Variants in ZNF525 observed in about 807,000 individuals in gnomAD.
ZNF525 encodes the protein zinc finger protein 525.
ZNF525 carries 33 observed loss-of-function variants against 37.6 expected under a neutral mutation model. The ratio of observed to expected loss-of-function variants is 0.88; its 90% confidence interval spans 0.67 to 1.17. ZNF525 has a LOEUF of 1.17. Among genes scored for constraint, ZNF525 ranks in the 50% most tolerant of loss-of-function variants. ZNF525 has a pLI of 0.00. For synonymous variants in ZNF525, 170 were observed against 182.3 expected, an observed-to-expected ratio of 0.93 and a Z score of 0.54; for missense variants, 449 against 543.1, an observed-to-expected ratio of 0.83 and a Z score of 1.72.
intron 3 of ZNF525, among the ~76,000 whole-genome samples, chr19:53,377,032 C>A (rs933806047): frequency 6.6e-6 from 1 of 152,076 alleles, no homozygotes; most frequent in East Asian, 1.9e-4. Flanking sequence ...TTATTTATGT[C>A]GGAATTATTT....
At position 53,384,016 on chromosome 19, in the gene ZNF525, G is replaced by T. The variant is rs763423393; in HGVS notation, c.*1997G>T. ...ATCAGTGTGGCAAGGTCTTCAGTCC[G>T]ACTTCACTCCTTGCAGAATATCAGA... On this transcript the variant is annotated 3_prime_UTR_variant, in exon 4 of 4. Coordinates refer to ENST00000474037, the MANE Select transcript of ZNF525 (RefSeq NM_001348156.2). 8 of 683,694 alleles carry T rather than the reference G, an allele frequency of 1.2e-5. No individual in the cohort carries two copies. The highest frequency in any genetic ancestry group is 2.8e-5 in the South Asian group (2 of 70,788). The allele number at this position is 683,694 out of a possible 1,614,324, so 42.4% of individuals were successfully genotyped here. A position where few individuals can be genotyped will look rare whatever the true frequency, so the allele number is the denominator to read the frequency against.
At chr19:53,377,246 C>T (rs746153014) in intron 3 of ZNF525, among the ~76,000 whole-genome samples, 4 of 152,158 alleles carry the variant, frequency 2.6e-5, no homozygotes, top group Admixed American at 6.5e-5. Context: ...GGCACAATCT[C>T]GGGTCACTGC....
chr19:53,381,370 G>A lies in ZNF525; in HGVS notation c.791G>A (p.Cys264Tyr), dbSNP rs562060597. The change falls in exon 4 of 4, where the codon TGT becomes TAT. Residue 264 changes from cysteine to tyrosine, a missense_variant. Physicochemically the swap from Cys to Tyr is radical, Grantham distance 194. Coordinates refer to ENST00000474037, the MANE Select transcript of ZNF525 (RefSeq NM_001348156.2). ...CGATACCTTGCACGCCATCGTAGAT[G>A]TCACACTGGTGAGAAACCTTACAAG... is the stretch of plus-strand genomic sequence containing the variant. The part of the protein sequence containing the change: ...RKRYLARHRR[C>Y]HTGEKPYKCN... 27 of 1,595,930 alleles carry A rather than the reference G, an allele frequency of 1.7e-5. No homozygotes were observed. Among genetic ancestry groups the A allele is most frequent in the Non-Finnish European group, 2.2e-5 (26 of 1,163,552 alleles).
At chr19:53,368,137 C>T (rs4801979) in intron 1 of ZNF525, among the ~76,000 whole-genome samples, 63,792 of 151,990 alleles carry the variant, frequency 0.42, 14,987 homozygotes, top group Non-Finnish European at 0.52. Flanking sequence ...CTGATTGTTT[C>T]AAGTACACAA....
chr19:53,380,173 C>G (rs1475130120), intron 3 of ZNF525, among the ~76,000 whole-genome samples: 3 of 151,796 alleles, frequency 2.0e-5, no homozygotes, highest in Non-Finnish European at 2.9e-5. Flanking sequence ...TCACTGCAAC[C>G]TCTGCCTCTT....
At chr19:53,372,682 G>T (rs557761124) in intron 2 of ZNF525, among the ~76,000 whole-genome samples, 1 of 152,338 alleles carries the variant, frequency 6.6e-6, no homozygotes, top group East Asian at 1.9e-4. Context: ...CACAAAGTAC[G>T]TGGTAAATTC....
rs150221054 is a variant in ZNF525, at chr19:53,372,428, G to T, written c.15+132G>T. ...TCACATTCACCCATGCCTTCCCTCA[G>T]TCCCTCTCATCTCACTTAGATTTTA... is the stretch of plus-strand genomic sequence containing the variant. On this transcript the variant is annotated intron_variant, in intron 2 of 3. Transcript: ENST00000474037. 1.8e-3 allele frequency: 1,346 copies of T among 752,890 alleles called. 12 individuals carry two copies. In the African/African-American group the frequency reaches 0.021, roughly 12 times the overall value. The allele number at this position is 752,890 out of a possible 1,614,324, so 46.6% of individuals were successfully genotyped here.
At position 53,375,877 on chromosome 19, in the gene ZNF525, T is replaced by C. The variant is rs755021113; in HGVS notation, c.123T>C (p.Tyr41=). ...ACAGGGACGTGATGCTGGAGAATTA[T>C]AGGAACCTGGTCTCCCTGGGTGAGG... ...TLYRDVMLEN[Y]RNLVSLGISS... Residue 41 remains tyrosine (Y), a synonymous_variant, in exon 3 of 4, where the codon TAT becomes TAC. Transcript: ENST00000474037. The C allele has an allele frequency of 7.6e-5, 122 of 1,613,740 alleles. 1 individual carries two copies. The Admixed American group carries it at 1.9e-3, about 25-fold the overall frequency.
At chr19:53,371,198 CTTTT>C (rs1243106422) in intron 1 of ZNF525, among the ~76,000 whole-genome samples, 1 of 123,592 alleles carries the variant, frequency 8.1e-6, no homozygotes, top group Non-Finnish European at 1.7e-5. Context: ...ATCAGAAACG[CTTTT>C]TTTTTTTTTT....
At chr19:53,375,477 C>G (rs1308399365) in intron 2 of ZNF525, among the ~76,000 whole-genome samples, 1 of 152,126 alleles carries the variant, frequency 6.6e-6, no homozygotes, top group Non-Finnish European at 1.5e-5. Flanking sequence ...TTCAACTACT[C>G]AGGAGGCTAA....
intron 3 of ZNF525, among the ~76,000 whole-genome samples, chr19:53,377,793 C>T (rs1294003472): frequency 6.6e-6 from 1 of 152,082 alleles, no homozygotes; most frequent in Admixed American, 6.6e-5. Flanking sequence ...ATCTCCTGAC[C>T]TCATGATCCT....
rs184697462 is a variant in ZNF525 at position 53,376,134 on chromosome 19, G to T, written c.142+238G>T. The T allele has an allele frequency of 3.7e-5, 36 of 978,974 alleles. No individual in the cohort carries two copies. The Admixed American group carries it at 7.3e-4, about 20-fold the overall frequency. The allele number at this position is 978,974 out of a possible 1,614,324, so 60.6% of individuals were successfully genotyped here. A position where few individuals can be genotyped will look rare whatever the true frequency, so the allele number is the denominator to read the frequency against. On this transcript the variant is annotated intron_variant, in intron 3 of 3. Transcript: ENST00000474037. ...TACTTTTTTAGTTTCTTTTTTTAGA[G>T]ACAGGTTCTTGCTGTGCGGTTGAAG... is the stretch of plus-strand genomic sequence containing the variant.
At chr19:53,373,915 G>A (rs1219010969) in intron 2 of ZNF525, among the ~76,000 whole-genome samples, 1 of 152,072 alleles carries the variant, frequency 6.6e-6, no homozygotes, top group Non-Finnish European at 1.5e-5. Flanking sequence ...GGTCATCAGG[G>A]TTTGTTGTAC....
intron 2 of ZNF525, among the ~76,000 whole-genome samples, chr19:53,373,285 A>G (rs1400242185): frequency 6.6e-6 from 1 of 151,944 alleles, no homozygotes; most frequent in Non-Finnish European, 1.5e-5. Flanking sequence ...ATTAGTGACA[A>G]GTATCACCAT....
At position 53,382,259 on chromosome 19, in the gene ZNF525, C is replaced by T. The variant is rs112464508; in HGVS notation, c.*240C>T. The T allele has an allele frequency of 1.3e-6, 2 of 1,496,728 alleles. No individual in the cohort carries two copies. The highest frequency in any genetic ancestry group is 2.8e-5 in the African/African-American group (2 of 72,512). The allele number at this position is 1,496,728 out of a possible 1,614,324, so 92.7% of individuals were successfully genotyped here. ...GGTGTAATAGGTGTGGCAAGACCTT[C>T]AGTCATACATCATCCCTTACATGCC... is the stretch of plus-strand genomic sequence containing the variant. On this transcript the variant is annotated 3_prime_UTR_variant, in exon 4 of 4. Transcript: ENST00000474037.
rs746645796 is a variant in ZNF525, at chr19:53,383,086, C to T, written c.*1067C>T. The T allele has an allele frequency of 2.1e-4, 298 of 1,388,428 alleles. 1 individual carries two copies. The highest frequency in any genetic ancestry group is 6.1e-4 in the South Asian group (53 of 86,654). The allele number at this position is 1,388,428 out of a possible 1,614,324, so 86.0% of individuals were successfully genotyped here. A position where few individuals can be genotyped will look rare whatever the true frequency, so the allele number is the denominator to read the frequency against. ...ACGCTTGCAAGTGTAATAAATGTGGCGAGGTTTTTAATCAACAAGCACACC... is the reference window on the plus strand; with the variant it reads ...ACGCTTGCAAGTGTAATAAATGTGGTGAGGTTTTTAATCAACAAGCACACC... On this transcript the variant is annotated 3_prime_UTR_variant, in exon 4 of 4. Coordinates refer to ENST00000474037, the MANE Select transcript of ZNF525 (RefSeq NM_001348156.2).
At chr19:53,369,787 C>T (rs1320560515) in intron 1 of ZNF525, among the ~76,000 whole-genome samples, 3 of 119,766 alleles carry the variant, frequency 2.5e-5, no homozygotes, top group Admixed American at 1.7e-4. Context: ...TGCAGTGGCG[C>T]GATCTGGGCT....
chr19:53,365,721 G>A lies in ZNF525; in HGVS notation c.-106G>A. ...TCCCCGCTCAGACGCGCGCAAACCC[G>A]GAAGCAGATCGCGTGGAGTGAAGGT... is the stretch of plus-strand genomic sequence containing the variant. On this transcript the variant is annotated 5_prime_UTR_variant, in exon 1 of 4. Coordinates refer to ENST00000474037, the MANE Select transcript of ZNF525 (RefSeq NM_001348156.2). 5.5e-6 allele frequency: 1 copy of A among 182,074 alleles called. No individual in the cohort carries two copies. The highest frequency in any genetic ancestry group is 9.8e-5 in the South Asian group (1 of 10,244). 11.3% of individuals were successfully genotyped at this position (182,074 alleles called of 1,614,324 possible).
Position 53,366,657 on chromosome 19 carries a change from G to A in ZNF525, c.-68+898G>A, listed in dbSNP as rs571826848. Among the ~76,000 whole-genome samples, 12 of 152,014 alleles carry A rather than the reference G, an allele frequency of 7.9e-5. No individual in the cohort carries two copies. The South Asian group carries it at 2.3e-3, about 29-fold the overall frequency. ...GGTAGGGAGAGGGACAGCAAAGAGGGAGGCTCATCAGGGTGAGGGAGAGGA... is the reference window on the plus strand; with the variant it reads ...GGTAGGGAGAGGGACAGCAAAGAGGAAGGCTCATCAGGGTGAGGGAGAGGA... On this transcript the variant is annotated intron_variant, in intron 1 of 3. Transcript: ENST00000474037.
Sources: gnomAD v4.1 joint callset for allele counts (sites outside exome capture counted in the v4.1 genomes callset) on GRCh38, gnomAD v4.1.1 for gene constraint, MANE v1.5 for transcripts, NCBI Gene and HGNC (gene_info 2026-07-23, HGNC 2026-07-21) for gene names.